GRAMD4: variants seen among roughly 807,000 people sequenced by gnomAD.
GRAMD4 encodes GRAM domain containing 4, also known as GRAM domain-containing protein 4.
A neutral mutation model predicts 83.9 loss-of-function variants in GRAMD4; 25 were observed. The ratio of observed to expected loss-of-function variants is 0.30; its 90% CI spans 0.22 to 0.42. The LOEUF is 0.42. GRAMD4 is among the 10% of genes least tolerant of loss of function. GRAMD4 has a pLI of 1.00. For synonymous variants in GRAMD4, 336 were observed against 320.9 expected, an observed-to-expected ratio of 1.05 and a Z score of -0.50; for missense variants, 593 against 788.7, an observed-to-expected ratio of 0.75 and a Z score of 2.97.
intron 1 of GRAMD4, among the ~76,000 whole-genome samples, chr22:46,583,579 A>G (rs368338640): frequency 4.6e-5 from 7 of 152,188 alleles, no homozygotes; most frequent in African/African-American, 1.7e-4. Flanking sequence ...TAGTAGGTGT[A>G]TTGTGGGATC....
intron 2 of GRAMD4, among the ~76,000 whole-genome samples, chr22:46,634,786 CA>C (rs1174240056): frequency 5.3e-5 from 8 of 151,866 alleles, no homozygotes; most frequent in Non-Finnish European, 8.8e-5. Context: ...ACTAAAAATA[CA>C]AAAAAATTAG....
intron 2 of GRAMD4, among the ~76,000 whole-genome samples, chr22:46,627,231 C>T (rs142359139): frequency 2.0e-5 from 3 of 152,248 alleles, no homozygotes; most frequent in Non-Finnish European, 4.4e-5. Flanking sequence ...AGACTTCTCA[C>T]GCACATGTGA....
At chr22:46,681,140 C>G (rs867060067), downstream of GRAMD4, among the ~76,000 whole-genome samples, 7 of 151,914 alleles carry the variant, frequency 4.6e-5, no homozygotes, top group Admixed American at 2.0e-4. Context: ...TCAGACCTAC[C>G]TAACCCGTTG....
chr22:46,618,765 T>TGTGCAGACCCGTCTGGAGGC (rs2081535828), upstream of GRAMD4, among the ~76,000 whole-genome samples: 1 of 151,726 alleles, frequency 6.6e-6, no homozygotes, highest in African/African-American at 2.4e-5. This position sits in a 1 kb window ranked among gnomAD's most constrained non-coding sequence, Gnocchi z 5.8. Context: ...GGTGGACAGA[T>TGTGCAGACCCGTCTGGAGGC]GTGCAGCCCC....
At chr22:46,637,999 T>G in intron 3 of GRAMD4, 39 bp downstream of exon 3, 1 of 1,605,574 alleles carries the variant, frequency 6.2e-7, no homozygotes, top group Non-Finnish European at 8.5e-7. Context: ...TGGGACAAGG[T>G]GGGTCAGGGG....
At chr22:46,593,597 G>T (rs1475916974) in intron 1 of GRAMD4, among the ~76,000 whole-genome samples, 5 of 152,178 alleles carry the variant, frequency 3.3e-5, no homozygotes, top group Non-Finnish European at 5.9e-5. Flanking sequence ...GAGGAGGCTT[G>T]TGGGCTGAGA....
At chr22:46,615,400 C>T (rs1443771875), upstream of GRAMD4, among the ~76,000 whole-genome samples, 1 of 69,804 alleles carries the variant, frequency 1.4e-5, no homozygotes, top group African/African-American at 6.3e-5. Flanking sequence ...TGTGTGTAGG[C>T]TCTCCTGTGC....
intron 3 of GRAMD4, among the ~76,000 whole-genome samples, chr22:46,641,551 G>A (rs1054884001): frequency 7.2e-5 from 11 of 152,292 alleles, no homozygotes; most frequent in Middle Eastern, 3.4e-3. Flanking sequence ...TTCTCTGCGC[G>A]TCACACTTTT....
intron 1 of GRAMD4, among the ~76,000 whole-genome samples, chr22:46,590,429 C>T (rs1172356842): frequency 6.6e-6 from 1 of 152,224 alleles, no homozygotes; most frequent in Admixed American, 6.5e-5. Flanking sequence ...GAGCGCTCCA[C>T]TAACCCCGAG....
chr22:46,624,144 C>A lies in GRAMD4; in HGVS notation c.-49-2607C>A, dbSNP rs181866661. 3.3e-5 allele frequency among the ~76,000 whole-genome samples: 5 copies of A among 151,896 alleles called. No individual in the cohort carries two copies. The East Asian group carries it at 9.7e-4, about 29-fold the overall frequency. On this transcript the variant is annotated intron_variant, in intron 1 of 18. Transcript: ENST00000406902. ...ATGTATCATATTTGTTACCTGTATT[C>A]CTTGTTTTATAGCGTATTTTGACAT...
downstream of GRAMD4, chr22:46,679,810 G>A: frequency 1.0e-6 from 1 of 984,354 alleles, no homozygotes; most frequent in South Asian, 4.7e-5. Context: ...TGCCTCCTTG[G>A]CAGGGCCACA....
chr22:46,626,005 C>T (rs2081652641), intron 1 of GRAMD4, among the ~76,000 whole-genome samples: 1 of 152,220 alleles, frequency 6.6e-6, no homozygotes, highest in Non-Finnish European at 1.5e-5. Context: ...GCCATGGGTG[C>T]CTGACCCCGC....
intron 1 of GRAMD4, among the ~76,000 whole-genome samples, chr22:46,585,817 G>A (rs909725708): frequency 6.6e-6 from 1 of 152,188 alleles, no homozygotes; most frequent in African/African-American, 2.4e-5. Context: ...GAGTTTATAG[G>A]ACACAGGAGT....
chr22:46,577,214 G>C, exon 1 of GRAMD4: 1 of 897,638 alleles, frequency 1.1e-6, no homozygotes. Flanking sequence ...GCGGGCGGCA[G>C]GCGTAGCGCG....
intron 2 of GRAMD4, among the ~76,000 whole-genome samples, chr22:46,632,952 C>T (rs1170601690): frequency 2.0e-5 from 3 of 152,226 alleles, no homozygotes; most frequent in African/African-American, 7.2e-5. Flanking sequence ...CCCCTTGCCA[C>T]ATGTCTGTTA....
intron 1 of GRAMD4, among the ~76,000 whole-genome samples, chr22:46,603,280 TCAC>T (rs2081330699): frequency 7.0e-6 from 1 of 142,772 alleles, no homozygotes; most frequent in Non-Finnish European, 1.5e-5. Context: ...TGACCTCGGC[TCAC>T]TGCAAGCTCC....
chr22:46,670,034 C>T (rs62232563), intron 13 of GRAMD4, among the ~76,000 whole-genome samples: 26 of 152,234 alleles, frequency 1.7e-4, no homozygotes, highest in Non-Finnish European at 3.4e-4. Flanking sequence ...TCGCCTGAGC[C>T]CACGCAGGAC....
intron 4 of GRAMD4, among the ~76,000 whole-genome samples, chr22:46,660,365 A>T (rs573113053): frequency 1.9e-4 from 29 of 152,216 alleles, no homozygotes; most frequent in Middle Eastern, 3.4e-3. Flanking sequence ...AAGGAAGAGC[A>T]GTCCCAGGCA....
intron 3 of GRAMD4, among the ~76,000 whole-genome samples, chr22:46,653,308 G>A (rs914318530): frequency 1.2e-4 from 18 of 152,064 alleles, no homozygotes; most frequent in Non-Finnish European, 2.5e-4. Context: ...TTCACATGGC[G>A]TCCTCTGGGC....
Sources: allele counts gnomAD v4.1 joint callset (sites outside exome capture counted in the v4.1 genomes callset), GRCh38; gene constraint gnomAD v4.1.1; non-coding constraint Gnocchi (gnomAD v3.1); transcripts MANE v1.5; gene names NCBI Gene and HGNC (gene_info 2026-07-23, HGNC 2026-07-21).